Variants in SLIT1 observed in about 807,000 individuals in gnomAD.
SLIT1 encodes slit homolog 1 protein.
In SLIT1, 66 loss-of-function variants were observed where a neutral mutation model predicts 186.1. The ratio of observed to expected loss-of-function variants is 0.35; its 90% CI spans 0.29 to 0.44. SLIT1 has a LOEUF of 0.44. SLIT1 is among the 20% of genes least tolerant of loss of function. The pLI, the probability that SLIT1 is intolerant of heterozygous loss-of-function variation, is 1.00. For synonymous variants in SLIT1, 761 were observed against 833.8 expected, an observed-to-expected ratio of 0.91 and a Z score of 1.50; for missense variants, 1,638 against 2,037.4, an observed-to-expected ratio of 0.80 and a Z score of 3.77.
chr10:96,998,514 A>AG lies in SLIT1; in HGVS notation c.*2597dup, dbSNP rs1377051565. ...CAGAGCGAACTAGGGGTCTTCACAA[A>AG]GGGGGACAAGATGTGGAGAGAGGAC... On this transcript the variant is annotated 3_prime_UTR_variant, in exon 37 of 37. Coordinates refer to ENST00000266058, the MANE Select transcript of SLIT1 (RefSeq NM_003061.3). 1.3e-5 allele frequency: 2 copies of AG among 152,214 alleles called. No homozygotes were observed. Among genetic ancestry groups the AG allele is most frequent in the East Asian group, 3.8e-4 (2 of 5,198 alleles). 9.4% of individuals were successfully genotyped at this position (152,214 alleles called of 1,614,324 possible).
chr10:97,085,508 C>T (rs1474910086), intron 4 of SLIT1, among the ~76,000 whole-genome samples: 1 of 152,090 alleles, frequency 6.6e-6, no homozygotes, highest in Non-Finnish European at 1.5e-5. Flanking sequence ...CTGCCTCAGC[C>T]TCCTGAGTAG....
At chr10:97,091,469 T>A (rs1341262410) in intron 4 of SLIT1, among the ~76,000 whole-genome samples, 4 of 152,254 alleles carry the variant, frequency 2.6e-5, no homozygotes, top group Admixed American at 2.0e-4. Context: ...TTATTAACCA[T>A]GTCCAACATT....
intron 13 of SLIT1, among the ~76,000 whole-genome samples, chr10:97,053,753 G>A (rs1238653846): frequency 6.6e-6 from 1 of 152,174 alleles, no homozygotes; most frequent in Non-Finnish European, 1.5e-5. Context: ...CCACACAACA[G>A]ATGAGAATTT....
rs17112342 is a variant in SLIT1 at position 97,046,755 on chromosome 10, G to C, written c.1752C>G (p.Ala584=). ...CGCTCACAGAGGCTGCGCCCTCGAA[G>C]GCCCCATCTTCAATTTCTGACACCT... The part of the protein sequence containing the change: ...NNKVSEIEDG[A]FEGAASVSEL... Residue 584 remains alanine, a synonymous_variant, in exon 18 of 37, where the codon GCC becomes GCG. Transcript: ENST00000266058. 0.046 allele frequency: 73,785 copies of C among 1,612,544 alleles called. 2,454 individuals are homozygous for C. The highest frequency in any genetic ancestry group is 0.15 in the Middle Eastern group (908 of 6,062).
At chr10:97,033,623 T>C (rs907458004) in intron 23 of SLIT1, among the ~76,000 whole-genome samples, 10 of 152,130 alleles carry the variant, frequency 6.6e-5, no homozygotes, top group African/African-American at 2.4e-4. Flanking sequence ...ATGGATCTCA[T>C]AGACAATGCT....
Position 97,150,668 on chromosome 10 carries a change from G to A in SLIT1, c.413+7150C>T, listed in dbSNP as rs551720474. The stretch of plus-strand genomic sequence containing the variant: ...ATATTGGTTTCAAGGCTAAAAGGAA[G>A]CCCAGAGGAACTGGGTTTCCAGAAG... On this transcript the variant is annotated intron_variant, in intron 4 of 36. Coordinates refer to ENST00000266058, the MANE Select transcript of SLIT1 (RefSeq NM_003061.3). Among the ~76,000 whole-genome samples the A allele has an allele frequency of 3.4e-5, 5 of 145,288 alleles. No homozygotes were observed. In the South Asian group the frequency reaches 1.1e-3, roughly 32 times the overall value.
intron 23 of SLIT1, 134 bp from the exon 24 acceptor site, chr10:97,031,811 G>T: frequency 1.5e-6 from 1 of 666,888 alleles, no homozygotes; most frequent in Non-Finnish European, 2.6e-6. Context: ...CAGAGCAGCC[G>T]GCAAGTGCAT....
chr10:97,180,331 C>A (rs993674606), intron 1 of SLIT1, among the ~76,000 whole-genome samples: 1 of 152,238 alleles, frequency 6.6e-6, no homozygotes, highest in African/African-American at 2.4e-5. Context: ...TCATGACCAC[C>A]CTTTGGAGCA....
chr10:97,149,144 A>G (rs1305367052), intron 4 of SLIT1, among the ~76,000 whole-genome samples: 1 of 152,214 alleles, frequency 6.6e-6, no homozygotes, highest in East Asian at 1.9e-4. Context: ...CTGGATTCAA[A>G]GCCCACAGCC....
chr10:97,119,214 C>T (rs1367081791), intron 4 of SLIT1, among the ~76,000 whole-genome samples: 2 of 152,218 alleles, frequency 1.3e-5, no homozygotes, highest in African/African-American at 4.8e-5. Flanking sequence ...GGGAACCCCA[C>T]CCTCACAGGA....
At chr10:97,056,908 C>T (rs144166025) in intron 12 of SLIT1, among the ~76,000 whole-genome samples, 48 of 152,288 alleles carry the variant, frequency 3.2e-4, no homozygotes, top group Non-Finnish European at 5.3e-4. Context: ...GCCTGGGTGT[C>T]CCCCCTGCAG....
intron 1 of SLIT1, among the ~76,000 whole-genome samples, chr10:97,168,196 A>G (rs369261308): frequency 6.6e-6 from 1 of 152,304 alleles, no homozygotes; most frequent in Admixed American, 6.5e-5. Flanking sequence ...ATGTTGTTAT[A>G]AACCAACATA....
chr10:97,125,945 A>G (rs530997590), intron 4 of SLIT1, among the ~76,000 whole-genome samples: 2 of 152,338 alleles, frequency 1.3e-5, no homozygotes, highest in South Asian at 4.1e-4. Flanking sequence ...TTAGCTCTAC[A>G]GGAGGAAAAT....
chr10:97,001,358 G>A lies in SLIT1; in HGVS notation c.4367-8C>T. ...CCCCCCGGCACTCGGACTCTGGATG[G>A]GACAGACACCAAGAGAAAGCCTCAG... On this transcript the variant is annotated splice_region_variant and splice_polypyrimidine_tract_variant and intron_variant, in intron 36 of 36. Transcript: ENST00000266058. 6.2e-7 allele frequency: 1 copy of A among 1,606,346 alleles called. No homozygotes were observed. Among genetic ancestry groups the A allele is most frequent in the Non-Finnish European group, 8.5e-7 (1 of 1,174,626 alleles).
chr10:97,079,906 T>C (rs914825571), intron 4 of SLIT1, among the ~76,000 whole-genome samples: 11 of 152,104 alleles, frequency 7.2e-5, no homozygotes, highest in African/African-American at 2.7e-4. Flanking sequence ...GGAGCAAGGA[T>C]CTGGGAGAGC....
Position 97,004,117 on chromosome 10 carries a change from G to T in SLIT1, c.3816C>A (p.Asn1272Lys). ...IDGGSPMTMDNFGKHYTLNSE... is the reference protein window; with the variant it reads ...IDGGSPMTMDKFGKHYTLNSE... Reference sequence around the variant, plus strand: ...TGTTGAGCGTGTAATGTTTGCCAAAGTTGTCCATGGTCATGGGGCTCCCGC... The same window carrying T: ...TGTTGAGCGTGTAATGTTTGCCAAATTTGTCCATGGTCATGGGGCTCCCGC... The change falls in exon 34 of 37, where the codon AAC becomes AAA. Residue 1272 changes from asparagine to lysine, a missense_variant. By Grantham distance (94) the Asn-to-Lys change is moderately conservative (BLOSUM62 0). Coordinates refer to ENST00000266058, the MANE Select transcript of SLIT1 (RefSeq NM_003061.3). The surrounding 1 kb of genome is among the most constrained non-coding windows in gnomAD (Gnocchi z 5.1). The T allele has an allele frequency of 6.2e-7, 1 of 1,613,770 alleles. No homozygotes were observed. Among genetic ancestry groups the T allele is most frequent in the Non-Finnish European group, 8.5e-7 (1 of 1,179,654 alleles).
At chr10:97,158,811 T>G in intron 3 of SLIT1, among the ~76,000 whole-genome samples, 1 of 142,214 alleles carries the variant, frequency 7.0e-6, no homozygotes. Context: ...ACCAGGGAGG[T>G]GGTGCAGTAA....
At chr10:97,045,161 A>G (rs1193746730) in intron 18 of SLIT1, among the ~76,000 whole-genome samples, 1 of 152,140 alleles carries the variant, frequency 6.6e-6, no homozygotes, top group Non-Finnish European at 1.5e-5. Flanking sequence ...GCTCTTTGTT[A>G]TAGCAGCCTG....
In SLIT1 at chr10:97,104,793, C is replaced by T. The variant is rs188557455; in HGVS notation, c.414-38707G>A. ...CCAACGTCACAACCCATCTCAAAGG[C>T]CACCTTCTCCATGAATTCATCCCTC... On this transcript the variant is annotated intron_variant, in intron 4 of 36. Transcript: ENST00000266058. 4.6e-5 allele frequency among the ~76,000 whole-genome samples: 7 copies of T among 152,292 alleles called. No individual in the cohort carries two copies. The East Asian group carries it at 7.7e-4, about 17-fold the overall frequency.
Sources: allele counts gnomAD v4.1 joint callset (sites outside exome capture counted in the v4.1 genomes callset), GRCh38; gene constraint gnomAD v4.1.1; non-coding constraint Gnocchi (gnomAD v3.1); transcripts MANE v1.5; gene names NCBI Gene and HGNC (gene_info 2026-07-23, HGNC 2026-07-21).